MSRA: variants seen among roughly 807,000 people sequenced by gnomAD.
MSRA encodes methionine sulfoxide reductase A.
MSRA carries 54 observed loss-of-function variants against 31.3 expected under a neutral mutation model. That is an observed-to-expected ratio of 1.73 (90% confidence interval 1.39 to 2.17). The LOEUF is 2.17. MSRA is among the 30% of genes most tolerant of loss of function. The pLI is 0.00. For missense variants in MSRA, 507 were observed against 300.9 expected (o/e 1.69, Z -5.07); for synonymous variants, 169 against 116.5 (o/e 1.45, Z -2.90).
intron 2 of MSRA, among the ~76,000 whole-genome samples, chr8:10,232,563 C>A (rs1811584814): frequency 6.6e-6 from 1 of 152,202 alleles, no homozygotes; most frequent in Admixed American, 6.5e-5. Context: ...AATCACAGAT[C>A]TTTACCAGTC....
Position 10,113,292 on chromosome 8 carries a change from C to CTTTTTTT in MSRA, c.142+58650_142+58656dup, listed in dbSNP as rs10665004. 6.9e-3 allele frequency among the ~76,000 whole-genome samples: 395 copies of CTTTTTTT among 57,442 alleles called. 35 individuals carry two copies. Among genetic ancestry groups the CTTTTTTT allele is most frequent in the Middle Eastern group, 0.015 (1 of 68 alleles). 37.7% of individuals were successfully genotyped at this position (57,442 alleles called of 152,430 possible). A position where few individuals can be genotyped will look rare whatever the true frequency, so the allele number is the denominator to read the frequency against. ...CATGGCTTTGGTGAAGACAGGTCTT[C>CTTTTTTT]TTTTTTTTTTTTTTTTTTTTTTGGA... On this transcript the variant is annotated intron_variant, in intron 1 of 5. Transcript: ENST00000317173.
chr8:10,111,342 T>C (rs1040928390), intron 1 of MSRA, among the ~76,000 whole-genome samples: 1 of 152,106 alleles, frequency 6.6e-6, no homozygotes, highest in Non-Finnish European at 1.5e-5. Flanking sequence ...GCCCCCTCCC[T>C]CATTGAGATG....
At chr8:10,223,496 C>A (rs766136690) in intron 2 of MSRA, among the ~76,000 whole-genome samples, 5 of 152,152 alleles carry the variant, frequency 3.3e-5, no homozygotes, top group African/African-American at 1.2e-4. Flanking sequence ...TATTGGTTAT[C>A]GGCCACATTT....
intron 1 of MSRA, among the ~76,000 whole-genome samples, chr8:10,130,600 C>T (rs1367088540): frequency 6.6e-6 from 1 of 152,138 alleles, no homozygotes; most frequent in Non-Finnish European, 1.5e-5. Context: ...AAAAAATAAT[C>T]TTGGCGTCAC....
At position 10,207,895 on chromosome 8, in the gene MSRA, G is replaced by A. The variant is rs772745628; in HGVS notation, c.205G>A (p.Val69Ile). 33 of 1,610,586 alleles carry A rather than the reference G, an allele frequency of 2.0e-5. No homozygotes were observed. The highest frequency in any genetic ancestry group is 2.7e-5 in the Non-Finnish European group (32 of 1,178,078). ...EPFPEGTQMA[V>I]FGMGCFWGAE... Reference sequence around the variant, plus strand: ...TTTCCCAGAGGGAACACAGATGGCTGTATTTGGTAAGATATCAATTCTGAA... The same window carrying A: ...TTTCCCAGAGGGAACACAGATGGCTATATTTGGTAAGATATCAATTCTGAA... The change falls in exon 2 of 6, where the codon GTA (valine) becomes ATA (isoleucine). Residue 69 changes from valine (V) to isoleucine (I), a missense_variant. By Grantham distance (29) the Val-to-Ile change is conservative. Transcript: ENST00000317173.
intron 5 of MSRA, among the ~76,000 whole-genome samples, chr8:10,325,753 G>A (rs1563353463): frequency 6.6e-6 from 1 of 152,142 alleles, no homozygotes; most frequent in Non-Finnish European, 1.5e-5. Flanking sequence ...CACAAAATGG[G>A]GAAAATTGCC....
intron 1 of MSRA, among the ~76,000 whole-genome samples, chr8:10,167,316 T>A (rs1445285744): frequency 6.6e-6 from 1 of 152,164 alleles, no homozygotes; most frequent in Non-Finnish European, 1.5e-5. Context: ...GTGCTGAAAA[T>A]CACATGGAAA....
At chr8:10,166,817 C>T (rs1230879138) in intron 1 of MSRA, among the ~76,000 whole-genome samples, 1 of 152,158 alleles carries the variant, frequency 6.6e-6, no homozygotes, top group East Asian at 1.9e-4. Context: ...GTCAGCAGAG[C>T]CCATGGACTT....
intron 1 of MSRA, among the ~76,000 whole-genome samples, chr8:10,130,845 A>T (rs1431029336): frequency 6.6e-6 from 1 of 152,206 alleles, no homozygotes; most frequent in Non-Finnish European, 1.5e-5. Flanking sequence ...CTTTGAGGGC[A>T]CACAGAAAGC....
intron 1 of MSRA, among the ~76,000 whole-genome samples, chr8:10,100,838 TC>T (rs1224147689): frequency 6.6e-6 from 1 of 152,186 alleles, no homozygotes; most frequent in Admixed American, 6.5e-5. Flanking sequence ...CAGTTAAGAA[TC>T]TCTCAGTCTT....
intron 2 of MSRA, among the ~76,000 whole-genome samples, chr8:10,209,564 T>TG (rs1809295389): frequency 6.6e-6 from 1 of 152,124 alleles, no homozygotes; most frequent in Admixed American, 6.5e-5. Context: ...TATTTTGCAG[T>TG]GGGGGGTTGC....
In MSRA at chr8:10,424,066, G is replaced by A. The variant is rs544681797; in HGVS notation, c.544-4082G>A. On this transcript the variant is annotated intron_variant, in intron 5 of 5. Coordinates refer to ENST00000317173, the MANE Select transcript of MSRA (RefSeq NM_012331.5). ...GCGCTGTCGGGCATTGCGATGCCAC[G>A]CGAACATAGTATGTGGAGCAGCTTC... Among the ~76,000 whole-genome samples the A allele has an allele frequency of 2.7e-4, 41 of 152,336 alleles. No homozygotes were observed. In the South Asian group the frequency reaches 6.2e-3, roughly 23 times the overall value.
chr8:10,265,088 C>G (rs1049320198), intron 3 of MSRA, among the ~76,000 whole-genome samples: 1 of 152,180 alleles, frequency 6.6e-6, no homozygotes, highest in African/African-American at 2.4e-5. Flanking sequence ...ATTTTACCTG[C>G]AGCTGATTCA....
intron 4 of MSRA, among the ~76,000 whole-genome samples, chr8:10,302,293 A>T (rs552666759): frequency 6.6e-6 from 1 of 152,376 alleles, no homozygotes; most frequent in African/African-American, 2.4e-5. Context: ...TTCAATAATG[A>T]AGCAATTTCA....
chr8:10,204,468 T>TTATAGATA (rs977678713), intron 1 of MSRA, among the ~76,000 whole-genome samples: 4 of 152,232 alleles, frequency 2.6e-5, no homozygotes, highest in African/African-American at 9.6e-5. Flanking sequence ...TTTTCTGTGC[T>TTATAGATA]TATAGATATC....
intron 4 of MSRA, among the ~76,000 whole-genome samples, chr8:10,314,933 G>A (rs573239439): frequency 7.2e-5 from 11 of 152,208 alleles, no homozygotes; most frequent in South Asian, 2.1e-4. Context: ...AAGACATACC[G>A]GAGACTGGGT....
chr8:10,235,828 A>G (rs1206605836), intron 2 of MSRA, among the ~76,000 whole-genome samples: 1 of 152,176 alleles, frequency 6.6e-6, no homozygotes, highest in Non-Finnish European at 1.5e-5. Flanking sequence ...TATAACCTTG[A>G]TACCAATTCT....
chr8:10,219,460 C>CT (rs1196743064), intron 2 of MSRA, among the ~76,000 whole-genome samples: 3 of 151,958 alleles, frequency 2.0e-5, no homozygotes, highest in Non-Finnish European at 4.4e-5. Flanking sequence ...GTCTCAAATT[C>CT]TTTTTTGGAA....
At chr8:10,139,442 G>C (rs981737648) in intron 1 of MSRA, among the ~76,000 whole-genome samples, 6 of 152,166 alleles carry the variant, frequency 3.9e-5, no homozygotes, top group Non-Finnish European at 8.8e-5. Context: ...GTTGCGTAGT[G>C]GTGAAGCCTG....
Sources: gnomAD v4.1 joint callset for allele counts (sites outside exome capture counted in the v4.1 genomes callset) on GRCh38, gnomAD v4.1.1 for gene constraint, MANE v1.5 for transcripts, NCBI Gene and HGNC (gene_info 2026-07-23, HGNC 2026-07-21) for gene names.